CD53: variants seen among roughly 807,000 people sequenced by gnomAD.
CD53 encodes leukocyte surface antigen CD53.
Under a neutral mutation model 27.3 loss-of-function variants are expected in CD53, and 20 were observed. The ratio of observed to expected loss-of-function variants is 0.73; its 90% CI spans 0.52 to 1.07. CD53 has a LOEUF of 1.07. Among genes scored for constraint, CD53 ranks in the 50% least tolerant of loss-of-function variants. The pLI is 0.00. For synonymous variants in CD53, 106 were observed against 105.3 expected (o/e 1.01, Z -0.04); for missense variants, 216 against 264.0 (o/e 0.82, Z 1.26).
At chr1:110,879,991 C>T (rs1054125638) in intron 1 of CD53, among the ~76,000 whole-genome samples, 7 of 152,148 alleles carry the variant, frequency 4.6e-5, no homozygotes, top group African/African-American at 1.4e-4. Flanking sequence ...ATTAGAAATC[C>T]GCAGGTTCTA....
At chr1:110,881,846 A>T (rs1656366920) in intron 1 of CD53, among the ~76,000 whole-genome samples, 1 of 152,118 alleles carries the variant, frequency 6.6e-6, no homozygotes, top group Non-Finnish European at 1.5e-5. Context: ...TTTAATTTGC[A>T]TTTCCTTAAT....
upstream of CD53, among the ~76,000 whole-genome samples, chr1:110,871,749 CAG>C (rs997135797): frequency 2.6e-5 from 4 of 151,236 alleles, no homozygotes; most frequent in African/African-American, 9.7e-5. Context: ...AGCCGAGGTG[CAG>C]AGACTTTTTA....
intron 3 of CD53, among the ~76,000 whole-genome samples, chr1:110,893,835 G>T (rs1055637092): frequency 1.3e-5 from 2 of 152,188 alleles, no homozygotes; most frequent in East Asian, 3.8e-4. Flanking sequence ...TAGCATAAAA[G>T]GAGTAAGCAT....
chr1:110,896,792 C>T (rs560973600), intron 6 of CD53, 59 bp downstream of exon 6: 24 of 1,439,990 alleles, frequency 1.7e-5, no homozygotes, highest in South Asian at 4.7e-5. Context: ...TTAATTACCT[C>T]GGAAACTGCA....
At chr1:110,897,515 A>C (rs1010297847) in intron 6 of CD53, among the ~76,000 whole-genome samples, 5 of 152,222 alleles carry the variant, frequency 3.3e-5, no homozygotes, top group Non-Finnish European at 7.3e-5. Context: ...GTTCAAAGAC[A>C]GTAGGACGTC....
At chr1:110,873,437 ATACTTT>A (rs1656022291) in intron 1 of CD53, among the ~76,000 whole-genome samples, 189 bp downstream of exon 1, 1 of 152,198 alleles carries the variant, frequency 6.6e-6, no homozygotes, top group Non-Finnish European at 1.5e-5. Context: ...CAGGCCAGAA[ATACTTT>A]TACTTAATCA....
chr1:110,896,174 G>T (rs937144740), intron 5 of CD53, among the ~76,000 whole-genome samples: 3 of 152,214 alleles, frequency 2.0e-5, no homozygotes, highest in African/African-American at 7.2e-5. Flanking sequence ...CAGGCTAGTT[G>T]CTTCCTCGAG....
chr1:110,872,163 C>T (rs547218516), upstream of CD53, among the ~76,000 whole-genome samples: 63 of 152,312 alleles, frequency 4.1e-4, no homozygotes, highest in Non-Finnish European at 7.5e-4. Context: ...GCTAGTGATA[C>T]ATTTGGGTTG....
intron 1 of CD53, among the ~76,000 whole-genome samples, chr1:110,873,492 A>G (rs1341453224): frequency 2.6e-5 from 4 of 152,176 alleles, no homozygotes; most frequent in Non-Finnish European, 4.4e-5. Flanking sequence ...AGGCATTCAC[A>G]TGCCTTAATT....
intron 2 of CD53, among the ~76,000 whole-genome samples, chr1:110,892,143 G>A (rs182520137): frequency 6.6e-6 from 1 of 152,348 alleles, no homozygotes; most frequent in East Asian, 1.9e-4. Flanking sequence ...GGTAGGAAGA[G>A]TTGTGAGTAG....
chr1:110,881,591 A>G (rs1656355987), intron 1 of CD53, among the ~76,000 whole-genome samples: 3 of 152,232 alleles, frequency 2.0e-5, no homozygotes, highest in Non-Finnish European at 2.9e-5. Context: ...CCTAGTATGG[A>G]CATATGCTTT....
intron 1 of CD53, among the ~76,000 whole-genome samples, chr1:110,875,091 A>G (rs1231031190): frequency 2.0e-5 from 3 of 152,186 alleles, no homozygotes; most frequent in East Asian, 3.8e-4. Flanking sequence ...AACTGCCTAG[A>G]GAGGTGACTG....
intron 1 of CD53, among the ~76,000 whole-genome samples, chr1:110,887,667 A>T (rs1055496996): frequency 6.6e-6 from 1 of 152,124 alleles, no homozygotes; most frequent in Non-Finnish European, 1.5e-5. Flanking sequence ...GTTCCCTATT[A>T]CTGAGGCTAC....
intron 3 of CD53, 29 bp downstream of exon 3, chr1:110,892,562 C>T (rs1656897841): frequency 1.3e-6 from 2 of 1,569,686 alleles, no homozygotes; most frequent in East Asian, 2.2e-5. Flanking sequence ...TGTGGTGCCC[C>T]AAGTCGGGGA....
intron 1 of CD53, among the ~76,000 whole-genome samples, chr1:110,890,320 A>G (rs1033129762): frequency 4.6e-5 from 7 of 152,302 alleles, no homozygotes; most frequent in African/African-American, 1.4e-4. Context: ...TAATCCCAGC[A>G]CTTTGGGAGG....
In CD53 at chr1:110,891,443, T is replaced by C; in HGVS notation, c.35T>C (p.Val12Ala). The change falls in exon 2 of 8, where the codon GTC becomes GCC. Residue 12 changes from valine to alanine, a missense_variant. Val to Ala is a moderately conservative substitution (Grantham distance 64, BLOSUM62 0). Transcript: ENST00000271324. ...AGTAGCTTGAAACTGCTGAAGTATGTCCTGTTTTTCTTCAACTTGCTCTTT... is the reference window on the plus strand; with the variant it reads ...AGTAGCTTGAAACTGCTGAAGTATGCCCTGTTTTTCTTCAACTTGCTCTTT... ...GMSSLKLLKY[V>A]LFFFNLLFWI... 1 of 1,613,936 alleles carries C rather than the reference T, an allele frequency of 6.2e-7. No homozygotes were observed. Among genetic ancestry groups the C allele is most frequent in the Non-Finnish European group, 8.5e-7 (1 of 1,179,806 alleles).
At chr1:110,891,266 A>G in intron 1 of CD53, 126 bp from the exon 2 acceptor site, 2 of 678,316 alleles carry the variant, frequency 2.9e-6, no homozygotes, top group Middle Eastern at 4.0e-4. Flanking sequence ...GTTTGGGGAA[A>G]CTTTCCAGAG....
chr1:110,878,072 T>C (rs1245535325), intron 1 of CD53, among the ~76,000 whole-genome samples: 9 of 152,198 alleles, frequency 5.9e-5, no homozygotes, highest in South Asian at 4.1e-4. Context: ...CCTTTGATGA[T>C]TCTTAGCTGG....
rs76861510 is a variant in CD53 at position 110,894,008 on chromosome 1, C to T, written c.253-319C>T. On this transcript the variant is annotated intron_variant, in intron 3 of 7. Transcript: ENST00000271324. The stretch of plus-strand genomic sequence containing the variant: ...AATGATCTAGTTTACCAACCTTTTG[C>T]TTAACTGCTTCAATAGGCAGATGTC... Among the ~76,000 whole-genome samples, 945 of 152,262 alleles carry T rather than the reference C, an allele frequency of 6.2e-3. 12 individuals carry two copies. The highest frequency in any genetic ancestry group is 0.021 in the African/African-American group (882 of 41,536).
Sources: allele counts gnomAD v4.1 joint callset (sites outside exome capture counted in the v4.1 genomes callset), GRCh38; gene constraint gnomAD v4.1.1; transcripts MANE v1.5; gene names NCBI Gene and HGNC (gene_info 2026-07-23, HGNC 2026-07-21).